FOXP2: variants seen among roughly 807,000 people sequenced by gnomAD.
FOXP2 encodes forkhead box protein P2.
In FOXP2, 12 loss-of-function variants were observed where a neutral mutation model predicts 115.8. The observed-to-expected ratio is 0.10, with a 90% CI of 0.07 to 0.17. The LOEUF is 0.17. Among genes scored for constraint, FOXP2 ranks in the 10% least tolerant of loss-of-function variants. The pLI, the probability that FOXP2 is intolerant of heterozygous loss-of-function variation, is 1.00. For synonymous variants in FOXP2, 328 were observed against 297.7 expected (o/e 1.10, Z -1.05); for missense variants, 629 against 843.5 (o/e 0.75, Z 3.15).
intron 1 of FOXP2, among the ~76,000 whole-genome samples, chr7:114,252,003 G>A (rs966664428): frequency 1.2e-4 from 18 of 152,264 alleles, no homozygotes; most frequent in South Asian, 8.3e-4. Flanking sequence ...AGCATGAAGG[G>A]TTGTTGAATT....
chr7:114,310,691 G>A (rs1797128226), intron 2 of FOXP2, among the ~76,000 whole-genome samples: 1 of 152,032 alleles, frequency 6.6e-6, no homozygotes, highest in Non-Finnish European at 1.5e-5. Context: ...GACAACCTGG[G>A]AGAAGTTAGG....
At position 114,278,809 on chromosome 7, in the gene FOXP2, C is replaced by T. The variant is rs147280051; in HGVS notation, c.-101-9210C>T. Among the ~76,000 whole-genome samples the T allele has an allele frequency of 2.7e-3, 413 of 152,254 alleles. 2 individuals are homozygous for T. The East Asian group carries it at 0.033, about 12-fold the overall frequency. ...TCACCCAACCTCAGCTCCTTTGAAC[C>T]TGTGTTCTGTCTTCATTTACTTTGC... is the stretch of plus-strand genomic sequence containing the variant. On this transcript the variant is annotated intron_variant, in intron 1 of 17. Coordinates refer to the FOXP2 transcript ENST00000634411.
In FOXP2 at chr7:114,174,697, A is replaced by C. The variant is rs567815430; in HGVS notation, c.-102+11609A>C. Among the ~76,000 whole-genome samples, 10 of 152,194 alleles carry C rather than the reference A, an allele frequency of 6.6e-5. No homozygotes were observed. In the East Asian group the frequency reaches 1.9e-3, roughly 29 times the overall value. ...CAGTTTTGACAAGATGGAAAAATGC[A>C]AGATGGGAGTTGAATCTTTCTTAAA... On this transcript the variant is annotated intron_variant, in intron 1 of 17. Coordinates refer to the FOXP2 transcript ENST00000634411.
chr7:114,441,568 A>G (rs1163421805), intron 2 of FOXP2, among the ~76,000 whole-genome samples: 1 of 152,186 alleles, frequency 6.6e-6, no homozygotes, highest in Non-Finnish European at 1.5e-5. Context: ...TATTCATTTT[A>G]TATTCAGCTC....
chr7:114,254,535 C>T (rs1340600436), intron 1 of FOXP2, among the ~76,000 whole-genome samples: 2 of 152,174 alleles, frequency 1.3e-5, no homozygotes, highest in Non-Finnish European at 2.9e-5. Context: ...CGCTTCATTT[C>T]ATTCATTTGA....
intron 1 of FOXP2, among the ~76,000 whole-genome samples, chr7:114,168,888 T>C (rs945955231): frequency 1.4e-4 from 22 of 152,166 alleles, no homozygotes; most frequent in African/African-American, 5.3e-4. Context: ...CAGCCATAGC[T>C]GAAAGGGACA....
At chr7:114,087,131 A>C (rs1262724904), upstream of FOXP2, among the ~76,000 whole-genome samples, 1 of 152,112 alleles carries the variant, frequency 6.6e-6, no homozygotes, top group African/African-American at 2.4e-5. Context: ...TATTGATCCA[A>C]CTGCTGACCT....
At chr7:114,252,155 T>C (rs574639105) in intron 1 of FOXP2, among the ~76,000 whole-genome samples, 7 of 152,296 alleles carry the variant, frequency 4.6e-5, no homozygotes, top group Non-Finnish European at 1.0e-4. Context: ...TTGATCATGG[T>C]GGATAAGCTT....
At chr7:114,268,180 G>A (rs1795945165) in intron 1 of FOXP2, among the ~76,000 whole-genome samples, 1 of 152,094 alleles carries the variant, frequency 6.6e-6, no homozygotes, top group African/African-American at 2.4e-5. Flanking sequence ...ATATTCCATT[G>A]TATGTACATA....
At chr7:114,167,106 G>A (rs774231108) in intron 1 of FOXP2, among the ~76,000 whole-genome samples, 30 of 152,146 alleles carry the variant, frequency 2.0e-4, no homozygotes, top group Non-Finnish European at 1.3e-4. Flanking sequence ...AGCTGAAAAC[G>A]TAAGTCCACA....
upstream of FOXP2, among the ~76,000 whole-genome samples, chr7:114,087,086 C>T (rs936425160): frequency 1.3e-5 from 2 of 151,684 alleles, no homozygotes. Context: ...GGAGAAACAA[C>T]AGTAAAAACA....
chr7:114,246,748 A>G (rs561550822), intron 1 of FOXP2, among the ~76,000 whole-genome samples: 47 of 152,268 alleles, frequency 3.1e-4, no homozygotes, highest in Admixed American at 1.0e-3. Context: ...TCCTAAAGCT[A>G]TGCTTTTTGC....
At chr7:114,241,756 T>TA (rs397760051) in intron 1 of FOXP2, among the ~76,000 whole-genome samples, 1 of 151,390 alleles carries the variant, frequency 6.6e-6, no homozygotes, top group Non-Finnish European at 1.5e-5. Flanking sequence ...ATTTTTTTTT[T>TA]ATTCTATCGG....
chr7:114,509,521 T>C (rs73429307), intron 2 of FOXP2, among the ~76,000 whole-genome samples: 3,959 of 152,104 alleles, frequency 0.026, 168 homozygotes, highest in African/African-American at 0.087. Flanking sequence ...GGGTACATTT[T>C]GAAGGTTTTG....
chr7:114,491,534 G>C (rs36198537), intron 2 of FOXP2, among the ~76,000 whole-genome samples: 2 of 151,464 alleles, frequency 1.3e-5, no homozygotes, highest in Non-Finnish European at 1.5e-5. Flanking sequence ...GTCAATTTTG[G>C]CTTTTGTTGC....
At chr7:114,426,238 A>C (rs1793838420) in intron 1 of FOXP2, among the ~76,000 whole-genome samples, 1 of 151,704 alleles carries the variant, frequency 6.6e-6, no homozygotes, top group Non-Finnish European at 1.5e-5. Context: ...CATAAATGCT[A>C]TTGACCATGC....
chr7:114,240,526 A>C (rs1795125538), intron 1 of FOXP2, among the ~76,000 whole-genome samples: 2 of 151,986 alleles, frequency 1.3e-5, no homozygotes. Context: ...TTGTTTCTTA[A>C]AGAAGATATT....
chr7:114,658,328 C>A, intron 11 of FOXP2, 61 bp downstream of exon 11: 1 of 1,518,994 alleles, frequency 6.6e-7, no homozygotes, highest in South Asian at 1.1e-5. Context: ...GTAGCTGAAT[C>A]AACTGTACAT....
chr7:114,322,656 C>G (rs1449410890), intron 2 of FOXP2, among the ~76,000 whole-genome samples: 1 of 152,004 alleles, frequency 6.6e-6, no homozygotes, highest in Non-Finnish European at 1.5e-5. Context: ...CACATTTTAA[C>G]TGGTGAAGCA....
Sources: gnomAD v4.1 joint callset for allele counts (sites outside exome capture counted in the v4.1 genomes callset) on GRCh38, gnomAD v4.1.1 for gene constraint, MANE v1.5 for transcripts, NCBI Gene and HGNC (gene_info 2026-07-23, HGNC 2026-07-21) for gene names.